Variants in SNRPA observed in about 807,000 individuals in gnomAD.
The protein encoded by SNRPA is U1 small nuclear ribonucleoprotein A.
In SNRPA, 10 loss-of-function variants were observed where a neutral mutation model predicts 24.5. That is an observed-to-expected ratio of 0.41 (90% CI 0.25 to 0.69). The LOEUF is 0.69. Among genes scored for constraint, SNRPA ranks in the 30% least tolerant of loss-of-function variants. SNRPA has a pLI of 0.33. For missense variants in SNRPA, 283 were observed against 394.7 expected (o/e 0.72, Z 2.40); for synonymous variants, 165 against 148.4 (o/e 1.11, Z -0.81).
intron 2 of SNRPA, 122 bp downstream of exon 2, chr19:40,757,626 C>A: frequency 1.1e-6 from 1 of 905,456 alleles, no homozygotes; most frequent in Non-Finnish European, 1.7e-6. Flanking sequence ...ACCAGGCTCC[C>A]ACTGCACCTT....
At chr19:40,759,333 A>G in intron 2 of SNRPA, 98 bp from the exon 3 acceptor site, 1 of 1,187,092 alleles carries the variant, frequency 8.4e-7, no homozygotes, top group Non-Finnish European at 1.2e-6. Flanking sequence ...TACAGGCATG[A>G]GCCGCAGCAC....
intron 1 of SNRPA, among the ~76,000 whole-genome samples, chr19:40,754,175 C>T (rs2082898749): frequency 6.8e-6 from 1 of 147,572 alleles, no homozygotes; most frequent in Non-Finnish European, 1.5e-5. Flanking sequence ...GCGATCTCAG[C>T]TCACTGCAAC....
At chr19:40,751,892 G>A (rs1245202777) in intron 1 of SNRPA, among the ~76,000 whole-genome samples, 1 of 152,194 alleles carries the variant, frequency 6.6e-6, no homozygotes, top group Non-Finnish European at 1.5e-5. Flanking sequence ...GGCTTTTTCA[G>A]TGATCAGCCC....
At chr19:40,758,453 C>G (rs1262372420) in intron 2 of SNRPA, among the ~76,000 whole-genome samples, 2 of 152,130 alleles carry the variant, frequency 1.3e-5, no homozygotes, top group Non-Finnish European at 2.9e-5. Context: ...CAGGAAATCC[C>G]CCTGCACTGC....
chr19:40,761,452 CTTTTTCTTTTTTTTTTTTTT>C (rs990722119), intron 3 of SNRPA, among the ~76,000 whole-genome samples: 2 of 96,398 alleles, frequency 2.1e-5, no homozygotes, highest in Non-Finnish European at 4.5e-5. Flanking sequence ...TTTTCTTTTT[CTTTTTCTTTTTTTTTTTTTT>C]TTTTTTTTTT....
chr19:40,764,064 T>A lies in SNRPA; in HGVS notation c.689+389T>A, dbSNP rs1335722709. On this transcript the variant is annotated intron_variant, in intron 5 of 5. Transcript: ENST00000243563. Reference sequence around the variant, plus strand: ...AGTCAGCGTGCTCAGAAACAGCAAGTGTGGGAGATGGGGATGCGTGAAACT... The same window carrying A: ...AGTCAGCGTGCTCAGAAACAGCAAGAGTGGGAGATGGGGATGCGTGAAACT... Among the ~76,000 whole-genome samples the A allele has an allele frequency of 2.0e-5, 3 of 152,010 alleles. No individual in the cohort carries two copies. The East Asian group carries it at 5.8e-4, about 29-fold the overall frequency.
In SNRPA at chr19:40,751,232, C is replaced by G; in HGVS notation, c.-177C>G. On this transcript the variant is annotated 5_prime_UTR_variant, in exon 1 of 6. Transcript: ENST00000243563. ...CCGCACGCGGGCTGGAGAAGCGGGT[C>G]CTACGCACGCTTTGTTGTCGCGCTT... 1 of 644,532 alleles carries G rather than the reference C, an allele frequency of 1.6e-6. No homozygotes were observed. Among genetic ancestry groups the G allele is most frequent in the Non-Finnish European group, 2.8e-6 (1 of 353,020 alleles). The allele number at this position is 644,532 out of a possible 1,614,324, so 39.9% of individuals were successfully genotyped here. A position where few individuals can be genotyped will look rare whatever the true frequency, so the allele number is the denominator to read the frequency against.
At chr19:40,752,379 T>A (rs1255325081) in intron 1 of SNRPA, among the ~76,000 whole-genome samples, 1 of 149,100 alleles carries the variant, frequency 6.7e-6, no homozygotes, top group Admixed American at 6.7e-5. Flanking sequence ...GAGACAGGGG[T>A]GATGTGACTT....
At chr19:40,758,488 C>T (rs750474690) in intron 2 of SNRPA, among the ~76,000 whole-genome samples, 1 of 152,182 alleles carries the variant, frequency 6.6e-6, no homozygotes, top group Non-Finnish European at 1.5e-5. Context: ...ATTGTCTCCT[C>T]GGTCCTTTGG....
intron 4 of SNRPA, 175 bp downstream of exon 4, chr19:40,763,249 C>G: frequency 5.0e-6 from 3 of 600,016 alleles, no homozygotes; most frequent in Non-Finnish European, 8.8e-6. Context: ...AATTGGCATG[C>G]TGGTTGGAGG....
Position 40,764,858 on chromosome 19 carries a change from C to T in SNRPA, c.690-150C>T, listed in dbSNP as rs970243153. The stretch of plus-strand genomic sequence containing the variant: ...TACATTAGAGTTTTTCAACTTAGTA[C>T]TATCTGCATTTTGGGCTGGATAATT... On this transcript the variant is annotated intron_variant, in intron 5 of 5. Coordinates refer to ENST00000243563, the MANE Select transcript of SNRPA (RefSeq NM_004596.5). 14 of 638,072 alleles carry T rather than the reference C, an allele frequency of 2.2e-5. No individual in the cohort carries two copies. In the African/African-American group the frequency reaches 2.7e-4, roughly 12 times the overall value. 39.5% of individuals were successfully genotyped at this position (638,072 alleles called of 1,614,324 possible).
chr19:40,764,565 G>A (rs916068364), intron 5 of SNRPA, among the ~76,000 whole-genome samples: 1 of 152,154 alleles, frequency 6.6e-6, no homozygotes, highest in Non-Finnish European at 1.5e-5. Context: ...GGTGGCTCAC[G>A]CCTAAAATCC....
At chr19:40,760,407 G>T (rs1007162159) in intron 3 of SNRPA, among the ~76,000 whole-genome samples, 1 of 152,200 alleles carries the variant, frequency 6.6e-6, no homozygotes, top group African/African-American at 2.4e-5. Context: ...CGACTACACT[G>T]AAATCACAGA....
At chr19:40,757,065 C>T in intron 1 of SNRPA, 1 of 429,300 alleles carries the variant, frequency 2.3e-6, no homozygotes, top group Non-Finnish European at 4.3e-6. Flanking sequence ...CGAGTGTTTA[C>T]TACGTGCCGG....
chr19:40,764,888 G>A, intron 5 of SNRPA, 120 bp from the exon 6 acceptor site: 6 of 933,138 alleles, frequency 6.4e-6, no homozygotes, highest in Non-Finnish European at 9.1e-6. Context: ...ATAATTCTGA[G>A]TAATGGGGCC....
In SNRPA at chr19:40,759,588, G is replaced by A; in HGVS notation, c.404G>A (p.Gly135Glu). The change falls in exon 3 of 6, where the codon GGG becomes GAG. Residue 135 changes from glycine to glutamate, a missense_variant. Physicochemically the swap from Gly to Glu is moderately conservative, Grantham distance 98. Around this residue, in one of 6 missense-constraint regions of SNRPA, gnomAD observed 167 missense variants for 174.3 expected, o/e 0.96. Transcript: ENST00000243563. ...VQGGGATPVV[G>E]AVQGPVPGMP... ...GGCGGGGGAGCCACCCCCGTGGTGG[G>A]GGCTGTCCAGGGGCCTGTCCCGGTA... is the stretch of plus-strand genomic sequence containing the variant. 6.2e-7 allele frequency: 1 copy of A among 1,611,964 alleles called. No individual in the cohort carries two copies. The highest frequency in any genetic ancestry group is 8.5e-7 in the Non-Finnish European group (1 of 1,179,478).
intron 1 of SNRPA, among the ~76,000 whole-genome samples, chr19:40,754,710 C>G (rs935654024): frequency 2.6e-5 from 4 of 152,112 alleles, no homozygotes; most frequent in African/African-American, 9.7e-5. Context: ...TTCCAGTGAG[C>G]TGTGCACTGG....
In SNRPA at chr19:40,759,424, T is replaced by C. The variant is rs183282962; in HGVS notation, c.247-7T>C. 255 of 1,609,336 alleles carry C rather than the reference T, an allele frequency of 1.6e-4. No homozygotes were observed. In the African/African-American group the frequency reaches 3.0e-3, roughly 19 times the overall value. On this transcript the variant is annotated splice_region_variant and splice_polypyrimidine_tract_variant and intron_variant, in intron 2 of 5. Coordinates refer to ENST00000243563, the MANE Select transcript of SNRPA (RefSeq NM_004596.5). The stretch of plus-strand genomic sequence containing the variant: ...GCTCTTAACCCGTTCTGCTCTCTGT[T>C]TGGTAGCGTATCCAGTATGCCAAGA...
chr19:40,754,643 G>T (rs553649145), intron 1 of SNRPA, among the ~76,000 whole-genome samples: 55 of 152,312 alleles, frequency 3.6e-4, no homozygotes, highest in Admixed American at 7.2e-4. Context: ...GGTCAAAAGA[G>T]CCTGGCGTAT....
Sources: gnomAD v4.1 joint callset for allele counts (sites outside exome capture counted in the v4.1 genomes callset) on GRCh38, gnomAD v4.1.1 for gene constraint, gnomAD v4.1.1 regional missense constraint, MANE v1.5 for transcripts, NCBI Gene and HGNC (gene_info 2026-07-23, HGNC 2026-07-21) for gene names.